ZNF544: variants seen among roughly 807,000 people sequenced by gnomAD.
The protein encoded by ZNF544 is zinc finger protein AF020591.
In ZNF544, 10 loss-of-function variants were observed where a neutral mutation model predicts 13.5. The observed-to-expected ratio is 0.74, with a 90% CI of 0.46 to 1.25. The LOEUF (loss-of-function observed/expected upper bound fraction) is 1.25. Among genes scored for constraint, ZNF544 ranks in the 50% most tolerant of loss-of-function variants. The pLI is 0.00. For missense variants in ZNF544, 896 were observed against 845.6 expected, an observed-to-expected ratio of 1.06 and a Z score of -0.74; for synonymous variants, 323 against 300.5, an observed-to-expected ratio of 1.07 and a Z score of -0.77.
At position 58,261,091 on chromosome 19, in the gene ZNF544, G is replaced by T; in HGVS notation, c.485G>T (p.Gly162Val). The T allele has an allele frequency of 6.2e-7, 1 of 1,614,164 alleles. No homozygotes were observed. The change falls in exon 7 of 7, where the codon GGG becomes GTG. Residue 162 changes from glycine (G) to valine (V), a missense_variant. Coordinates refer to ENST00000687789, the MANE Select transcript of ZNF544 (RefSeq NM_014480.4). The part of the protein sequence containing the change: ...AQREHCELEL[G>V]GGYSLPSTLS... ...AGGGAACATTGTGAGCTTGAACTTG[G>T]GGGAGGTTATTCTCTACCTTCTACT...
intron 3 of ZNF544, among the ~76,000 whole-genome samples, chr19:58,243,157 A>G (rs992709828): frequency 6.6e-6 from 1 of 152,112 alleles, no homozygotes; most frequent in African/African-American, 2.4e-5. Flanking sequence ...CTCTTCATGA[A>G]CTAGAAAGCA....
chr19:58,237,521 G>A (rs1255282704), intron 3 of ZNF544, among the ~76,000 whole-genome samples: 2 of 152,218 alleles, frequency 1.3e-5, no homozygotes, highest in Non-Finnish European at 2.9e-5. Flanking sequence ...AGCCTGGCCT[G>A]GAGGGCGGCT....
chr19:58,255,290 C>T (rs576872712), intron 6 of ZNF544, among the ~76,000 whole-genome samples: 6 of 152,278 alleles, frequency 3.9e-5, no homozygotes, highest in African/African-American at 1.2e-4. Flanking sequence ...GTTCTCCTGC[C>T]TCAGCCTCCT....
Position 58,262,766 on chromosome 19 carries a change from T to C in ZNF544, c.*12T>C. The C allele has an allele frequency of 6.3e-7, 1 of 1,575,200 alleles. No homozygotes were observed. ...GAGAGAAACCTTAGGAGTGCAGTCA[T>C]TGTGGGAAAGCTTTCATCCAGAGGT... On this transcript the variant is annotated 3_prime_UTR_variant, in exon 7 of 7. Transcript: ENST00000687789.
At chr19:58,242,659 C>A (rs1035790382) in intron 3 of ZNF544, among the ~76,000 whole-genome samples, 1 of 151,882 alleles carries the variant, frequency 6.6e-6, no homozygotes, top group Non-Finnish European at 1.5e-5. Context: ...TTGCTGGGAC[C>A]TCAGACCATG....
At chr19:58,272,455 G>T (rs2147897384) in intron 5 of ZNF544, among the ~76,000 whole-genome samples, 1 of 152,192 alleles carries the variant, frequency 6.6e-6, no homozygotes, top group East Asian at 1.9e-4. Context: ...TACTCAGGAG[G>T]CTGAGGTGTG....
chr19:58,276,394 C>T (rs997305896), exon 6 of ZNF544: 1 of 1,231,544 alleles, frequency 8.1e-7, no homozygotes, highest in South Asian at 4.1e-5. Context: ...GGAAGGCTGC[C>T]TGATCCAGTT....
chr19:58,264,447 T>C (rs11668350), downstream of ZNF544, among the ~76,000 whole-genome samples: 39,485 of 149,650 alleles, frequency 0.26, 6,316 homozygotes, highest in Middle Eastern at 0.45. Flanking sequence ...ATCCCAGCAC[T>C]TTGGGAGGCT....
intron 6 of ZNF544, chr19:58,258,537 G>A (rs1244733381): frequency 1.4e-5 from 1 of 69,064 alleles, no homozygotes; most frequent in African/African-American, 4.9e-5. Flanking sequence ...AGGTGTGAGG[G>A]TGCTGGGTGT....
intron 6 of ZNF544, chr19:58,257,411 G>A (rs1255561809): frequency 6.6e-6 from 1 of 152,194 alleles, no homozygotes; most frequent in Non-Finnish European, 1.5e-5. Flanking sequence ...TTGGTCACTT[G>A]GTTTACACCC....
chr19:58,261,595 A>G lies in ZNF544; in HGVS notation c.989A>G (p.Glu330Gly). 1 of 1,614,220 alleles carries G rather than the reference A, an allele frequency of 6.2e-7. No homozygotes were observed. Among genetic ancestry groups the G allele is most frequent in the Middle Eastern group, 1.6e-4 (1 of 6,062 alleles). The change falls in exon 7 of 7, where the codon GAA (glutamate) becomes GGA (glycine). Residue 330 changes from glutamate (E) to glycine (G), a missense_variant. Transcript: ENST00000687789. Reference protein sequence around the residue: ...GPGETPFRCEERCAAFPMASS... With the variant: ...GPGETPFRCEGRCAAFPMASS... ...GGAGAGACCCCCTTCAGATGTGAGG[A>G]ACGCTGTGCTGCCTTCCCCATGGCC... is the stretch of plus-strand genomic sequence containing the variant.
intron 5 of ZNF544, among the ~76,000 whole-genome samples, chr19:58,273,920 C>T (rs937669707): frequency 3.3e-5 from 5 of 151,640 alleles, no homozygotes; most frequent in African/African-American, 7.3e-5. Context: ...CTCAGCCTCC[C>T]GAGTAGCTGG....
At chr19:58,267,050 T>G (rs2050007815), downstream of ZNF544, 1 of 152,158 alleles carries the variant, frequency 6.6e-6, no homozygotes, top group Non-Finnish European at 1.5e-5. Flanking sequence ...AAGACAGATA[T>G]TCAGAGGAAC....
At chr19:58,250,138 A>C (rs917579434) in intron 6 of ZNF544, among the ~76,000 whole-genome samples, 18 of 152,244 alleles carry the variant, frequency 1.2e-4, no homozygotes, top group African/African-American at 3.9e-4. Context: ...AAAGGCTCCT[A>C]GTTTTTCAAG....
At position 58,262,854 on chromosome 19, in the gene ZNF544, T is replaced by C; in HGVS notation, c.*100T>C. The C allele has an allele frequency of 2.0e-6, 3 of 1,502,734 alleles. No individual in the cohort carries two copies. The allele number at this position is 1,502,734 out of a possible 1,614,324, so 93.1% of individuals were successfully genotyped here. On this transcript the variant is annotated 3_prime_UTR_variant, in exon 7 of 7. Coordinates refer to ENST00000687789, the MANE Select transcript of ZNF544 (RefSeq NM_014480.4). ...GAAGAGCTATCAGTGTGACGTGTAT[T>C]AAGCCAGCGGTTGTGACTCATTGAA...
rs536595740 is a variant in ZNF544 at position 58,238,525 on chromosome 19, C to T, written c.-59-5440C>T. Among the ~76,000 whole-genome samples the T allele has an allele frequency of 9.2e-5, 14 of 152,146 alleles. No individual in the cohort carries two copies. The South Asian group carries it at 2.5e-3, about 27-fold the overall frequency. On this transcript the variant is annotated intron_variant, in intron 3 of 6. Coordinates refer to ENST00000687789, the MANE Select transcript of ZNF544 (RefSeq NM_014480.4). ...GTTTTGGCTGAATGTGAGGAGAGCA[C>T]GCAGGAGGCGTCAGGAAGGACTTCC...
intron 6 of ZNF544, chr19:58,259,618 T>C (rs1042851199): frequency 1.3e-5 from 2 of 152,246 alleles, no homozygotes; most frequent in African/African-American, 4.8e-5. Flanking sequence ...CAGCATTCTT[T>C]CCAGTCTTCA....
At chr19:58,267,195 G>A (rs1341325070), downstream of ZNF544, 1 of 152,088 alleles carries the variant, frequency 6.6e-6, no homozygotes, top group African/African-American at 2.4e-5. Context: ...CCAAGTAGCT[G>A]GGATTACAGG....
intron 3 of ZNF544, among the ~76,000 whole-genome samples, chr19:58,235,228 C>A (rs2042133180): frequency 6.6e-6 from 1 of 152,204 alleles, no homozygotes; most frequent in Non-Finnish European, 1.5e-5. Flanking sequence ...GTAGTGAATA[C>A]TATTGGCAAC....
Sources: gnomAD v4.1 joint callset for allele counts (sites outside exome capture counted in the v4.1 genomes callset) on GRCh38, gnomAD v4.1.1 for gene constraint, MANE v1.5 for transcripts, NCBI Gene and HGNC (gene_info 2026-07-23, HGNC 2026-07-21) for gene names.